Variants in SCAF8 observed in about 807,000 individuals in gnomAD.
The protein encoded by SCAF8 is SR-related and CTD-associated factor 8.
SCAF8 carries 23 observed loss-of-function variants against 140.5 expected under a neutral mutation model. The ratio of observed to expected loss-of-function variants is 0.16; its 90% CI spans 0.12 to 0.23. SCAF8 has a LOEUF of 0.23. Among genes scored for constraint, SCAF8 ranks in the 10% least tolerant of loss-of-function variants. The pLI is 1.00. For missense variants in SCAF8, 1,397 were observed against 1,555.7 expected (o/e 0.90, Z 1.72); for synonymous variants, 575 against 528.9 (o/e 1.09, Z -1.20).
intron 2 of SCAF8, among the ~76,000 whole-genome samples, chr6:154,776,659 T>G (rs924375751): frequency 6.6e-6 from 1 of 152,250 alleles, no homozygotes; most frequent in Admixed American, 6.5e-5. Flanking sequence ...CTTTAGTTGT[T>G]TTGGCTTTTT....
At chr6:154,827,027 A>G in intron 17 of SCAF8, 145 bp from the exon 18 acceptor site, 1 of 647,924 alleles carries the variant, frequency 1.5e-6, no homozygotes, top group East Asian at 3.3e-5. Context: ...TATAAAAGCC[A>G]TTTCTAAAAT....
chr6:154,815,927 C>T (rs371116627), intron 13 of SCAF8, 111 bp downstream of exon 13: 147 of 558,526 alleles, frequency 2.6e-4, no homozygotes, highest in Non-Finnish European at 4.5e-4. Context: ...AAATAATACA[C>T]ATCTTTAAAA....
At chr6:154,766,063 AAAGT>A (rs1461959783) in intron 1 of SCAF8, among the ~76,000 whole-genome samples, 2 of 119,812 alleles carry the variant, frequency 1.7e-5, no homozygotes, top group Admixed American at 8.6e-5. Flanking sequence ...CTGTATTCTT[AAAGT>A]AAGAGAAAAG....
intron 2 of SCAF8, among the ~76,000 whole-genome samples, chr6:154,775,287 T>C (rs2114848109): frequency 6.6e-6 from 1 of 152,286 alleles, no homozygotes; most frequent in South Asian, 2.1e-4. Context: ...AGCCAGGAAA[T>C]GTTTCAAAGA....
intron 1 of SCAF8, among the ~76,000 whole-genome samples, chr6:154,766,668 C>CTTTTTTTT (rs1226739849): frequency 1.0e-5 from 1 of 97,238 alleles, no homozygotes; most frequent in Non-Finnish European, 2.0e-5. Context: ...CACCCCCCCC[C>CTTTTTTTT]CTTTTTTTTT....
At chr6:154,810,430 G>GT (rs1778057464) in intron 12 of SCAF8, among the ~76,000 whole-genome samples, 8 of 152,104 alleles carry the variant, frequency 5.3e-5, no homozygotes, top group Admixed American at 5.2e-4. Context: ...TTTTTTGTTT[G>GT]TTTTTCAAAT....
intron 1 of SCAF8, among the ~76,000 whole-genome samples, chr6:154,773,642 C>T (rs1449186149): frequency 1.3e-5 from 2 of 152,152 alleles, no homozygotes; most frequent in African/African-American, 4.8e-5. Context: ...GTGGAATTGG[C>T]TGGGTCTTAC....
At chr6:154,811,782 T>A (rs1778099425) in intron 12 of SCAF8, among the ~76,000 whole-genome samples, 1 of 144,528 alleles carries the variant, frequency 6.9e-6, no homozygotes, top group Non-Finnish European at 1.5e-5. Flanking sequence ...AGTGAGAACA[T>A]GTAGTGTTTG....
intron 1 of SCAF8, among the ~76,000 whole-genome samples, chr6:154,753,421 C>A (rs754634704): frequency 6.6e-6 from 1 of 151,868 alleles, no homozygotes; most frequent in Non-Finnish European, 1.5e-5. Flanking sequence ...GAGCCAAGAT[C>A]GTGCCATTGC....
chr6:154,813,377 C>G (rs906308037), intron 12 of SCAF8, among the ~76,000 whole-genome samples: 3 of 152,042 alleles, frequency 2.0e-5, no homozygotes, highest in Non-Finnish European at 4.4e-5. Flanking sequence ...AAAACTTAGC[C>G]AAGCATGGTG....
At chr6:154,768,704 C>G (rs1375124413) in intron 1 of SCAF8, among the ~76,000 whole-genome samples, 1 of 152,088 alleles carries the variant, frequency 6.6e-6, no homozygotes, top group Non-Finnish European at 1.5e-5. Flanking sequence ...TATGCAGTTC[C>G]TCTGCATGTG....
chr6:154,755,584 GA>G (rs1358047966), intron 1 of SCAF8, among the ~76,000 whole-genome samples: 1 of 152,134 alleles, frequency 6.6e-6, no homozygotes, highest in Admixed American at 6.5e-5. Flanking sequence ...GATATTGCTT[GA>G]ATCATTTTGT....
chr6:154,818,840 C>G (rs1413919150), intron 14 of SCAF8, among the ~76,000 whole-genome samples: 1 of 152,198 alleles, frequency 6.6e-6, no homozygotes, highest in East Asian at 1.9e-4. Context: ...TAGTCAATTA[C>G]TTCCTTGAAA....
chr6:154,784,852 A>G (rs987500897), intron 3 of SCAF8, among the ~76,000 whole-genome samples: 1 of 152,186 alleles, frequency 6.6e-6, no homozygotes, highest in Admixed American at 6.5e-5. Context: ...GTAGAAAAGT[A>G]CAGAAAACAA....
intron 9 of SCAF8, among the ~76,000 whole-genome samples, chr6:154,807,615 G>C (rs933964227): frequency 6.6e-6 from 1 of 152,096 alleles, no homozygotes; most frequent in African/African-American, 2.4e-5. Context: ...TTCTCACCTC[G>C]TGATCCACCC....
intron 3 of SCAF8, among the ~76,000 whole-genome samples, chr6:154,779,290 C>T (rs1244246101): frequency 6.6e-6 from 1 of 152,142 alleles, no homozygotes; most frequent in East Asian, 1.9e-4. Flanking sequence ...TGTGTCTTGG[C>T]CTCTCAAAAG....
rs1307741135 is a variant in SCAF8 at position 154,832,956 on chromosome 6, G to A, written c.3377G>A (p.Gly1126Glu). The A allele has an allele frequency of 6.2e-7, 1 of 1,614,120 alleles. No individual in the cohort carries two copies. The highest frequency in any genetic ancestry group is 1.7e-5 in the Admixed American group (1 of 60,000). The change falls in exon 20 of 20, where the codon GGA becomes GAA. Residue 1126 changes from glycine to glutamate, a missense_variant. This residue lies in a region of SCAF8 where 930 missense variants were observed against 874.6 expected (regional missense o/e 1.06). Coordinates refer to ENST00000367178, the MANE Select transcript of SCAF8 (RefSeq NM_014892.5). ...LHEERGRFRS[G>E]NYRFDPRSGP... ...GAAGAAAGAGGTAGATTTCGGTCTGGAAACTATCGATTTGATCCTAGAAGT... is the reference window on the plus strand; with the variant it reads ...GAAGAAAGAGGTAGATTTCGGTCTGAAAACTATCGATTTGATCCTAGAAGT...
intron 12 of SCAF8, among the ~76,000 whole-genome samples, chr6:154,815,438 C>G (rs943581040): frequency 6.6e-6 from 1 of 152,220 alleles, no homozygotes; most frequent in African/African-American, 2.4e-5. Context: ...CACTCATCCT[C>G]TTAGAATGGG....
chr6:154,784,155 A>ATATATATATATATATATATATT (rs1408182952), intron 3 of SCAF8, among the ~76,000 whole-genome samples: 31 of 91,928 alleles, frequency 3.4e-4, no homozygotes, highest in Admixed American at 4.9e-4. Context: ...ATATATATAT[A>ATATATATATATATATATATATT]TATTTATTTA....
Sources: gnomAD v4.1 joint callset for allele counts (sites outside exome capture counted in the v4.1 genomes callset) on GRCh38, gnomAD v4.1.1 for gene constraint, gnomAD v4.1.1 regional missense constraint, MANE v1.5 for transcripts, NCBI Gene and HGNC (gene_info 2026-07-23, HGNC 2026-07-21) for gene names.